Variants in ANKRD31 observed in about 807,000 individuals in gnomAD.
ANKRD31 encodes the protein ankyrin repeat domain 31.
ANKRD31 carries 147 observed loss-of-function variants against 186.0 expected under a neutral mutation model. That is an observed-to-expected ratio of 0.79 (90% CI 0.69 to 0.91). ANKRD31 has a LOEUF of 0.91. ANKRD31 is among the 40% of genes least tolerant of loss of function. The pLI is 0.00. For synonymous variants in ANKRD31, 673 were observed against 736.4 expected, an observed-to-expected ratio of 0.91 and a Z score of 1.39; for missense variants, 1,986 against 2,148.8, an observed-to-expected ratio of 0.92 and a Z score of 1.50.
chr5:75,218,272 G>A (rs879563015), intron 3 of ANKRD31, among the ~76,000 whole-genome samples: 2 of 152,044 alleles, frequency 1.3e-5, no homozygotes, highest in South Asian at 4.2e-4. Context: ...TGTTACCACT[G>A]ACCCCACAAA....
chr5:75,084,505 T>C, intron 23 of ANKRD31, 131 bp from the exon 24 acceptor site: 1 of 668,988 alleles, frequency 1.5e-6, no homozygotes, highest in South Asian at 1.9e-5. Flanking sequence ...CTTCAGTCCA[T>C]GGCCAAATCC....
intron 25 of ANKRD31, among the ~76,000 whole-genome samples, chr5:75,079,824 T>TA (rs745483444): frequency 3.6e-4 from 54 of 152,106 alleles, no homozygotes; most frequent in Non-Finnish European, 7.4e-4. Flanking sequence ...AATTCAGGTC[T>TA]GGGCATGGTG....
chr5:75,185,910 T>C (rs914346976), intron 10 of ANKRD31, among the ~76,000 whole-genome samples: 6 of 152,070 alleles, frequency 3.9e-5, no homozygotes, highest in African/African-American at 7.2e-5. Context: ...GGAAAAACAA[T>C]GACTGCTACC....
At chr5:75,174,961 A>C (rs973579467) in intron 10 of ANKRD31, among the ~76,000 whole-genome samples, 2 of 152,240 alleles carry the variant, frequency 1.3e-5, no homozygotes, top group African/African-American at 2.4e-5. Context: ...TCACAATAGC[A>C]AAGACTTGGA....
At chr5:75,156,299 T>A (rs1752168996) in intron 11 of ANKRD31, among the ~76,000 whole-genome samples, 1 of 152,196 alleles carries the variant, frequency 6.6e-6, no homozygotes, top group Non-Finnish European at 1.5e-5. Context: ...AACTACTTTT[T>A]AATCACTTTG....
intron 19 of ANKRD31, among the ~76,000 whole-genome samples, chr5:75,113,400 T>C (rs1038703877): frequency 2.0e-5 from 3 of 152,184 alleles, no homozygotes; most frequent in African/African-American, 7.2e-5. Flanking sequence ...TTTCTCAGAA[T>C]TAAGAAATTC....
intron 17 of ANKRD31, among the ~76,000 whole-genome samples, chr5:75,129,438 CAT>C (rs1398149889): frequency 6.6e-6 from 1 of 152,234 alleles, no homozygotes; most frequent in African/African-American, 2.4e-5. Flanking sequence ...CATTAATTCA[CAT>C]CTTTTAGCAG....
chr5:75,211,193 C>T (rs911743540), intron 3 of ANKRD31, among the ~76,000 whole-genome samples: 1 of 152,220 alleles, frequency 6.6e-6, no homozygotes, highest in Non-Finnish European at 1.5e-5. Context: ...CACCATTCTG[C>T]TTTCTGTCTT....
At chr5:75,201,375 C>T (rs1386016293) in intron 5 of ANKRD31, among the ~76,000 whole-genome samples, 1 of 152,110 alleles carries the variant, frequency 6.6e-6, no homozygotes, top group Non-Finnish European at 1.5e-5. Flanking sequence ...GTGTATCTTA[C>T]TTAACATTTT....
intron 4 of ANKRD31, among the ~76,000 whole-genome samples, chr5:75,209,842 G>A (rs537587886): frequency 6.6e-6 from 1 of 152,204 alleles, no homozygotes; most frequent in East Asian, 1.9e-4. Context: ...AGTGAAACTG[G>A]CTTCTTTTTA....
At chr5:75,229,883 A>AAG (rs1405462780) in intron 2 of ANKRD31, among the ~76,000 whole-genome samples, 1 of 84,498 alleles carries the variant, frequency 1.2e-5, no homozygotes, top group Admixed American at 1.1e-4. Context: ...AAAAAAAAAA[A>AAG]AAAACAAAAA....
intron 11 of ANKRD31, among the ~76,000 whole-genome samples, chr5:75,157,706 C>T (rs181726130): frequency 7.0e-4 from 106 of 152,218 alleles, no homozygotes; most frequent in African/African-American, 2.5e-3. Flanking sequence ...TGGCATGAAT[C>T]CCTGATCTAT....
intron 20 of ANKRD31, among the ~76,000 whole-genome samples, chr5:75,110,910 T>C (rs1443340851): frequency 6.6e-6 from 1 of 151,052 alleles, no homozygotes; most frequent in Non-Finnish European, 1.5e-5. Context: ...ATAGAATTTA[T>C]CAATATAAAT....
intron 20 of ANKRD31, among the ~76,000 whole-genome samples, chr5:75,110,591 C>T (rs1167334794): frequency 4.0e-5 from 6 of 151,362 alleles, no homozygotes; most frequent in African/African-American, 1.5e-4. Flanking sequence ...CGCCTGTATT[C>T]CCAGCTACTC....
chr5:75,110,847 C>T (rs1242065501), intron 20 of ANKRD31, among the ~76,000 whole-genome samples: 1 of 147,710 alleles, frequency 6.8e-6, no homozygotes, highest in Non-Finnish European at 1.5e-5. Flanking sequence ...GTGTACACTG[C>T]TAGTAGCATC....
At chr5:75,190,315 G>A (rs1755018461) in intron 9 of ANKRD31, among the ~76,000 whole-genome samples, 1 of 152,052 alleles carries the variant, frequency 6.6e-6, no homozygotes, top group Admixed American at 6.6e-5. Flanking sequence ...GCCACTGCAC[G>A]TGGCCTGTTT....
intron 22 of ANKRD31, among the ~76,000 whole-genome samples, chr5:75,102,424 C>T (rs1007953751): frequency 1.3e-5 from 2 of 152,208 alleles, no homozygotes; most frequent in African/African-American, 4.8e-5. Context: ...AGATCTCAAG[C>T]TCCATGCTGG....
chr5:75,183,443 A>G (rs1754471179), intron 10 of ANKRD31, among the ~76,000 whole-genome samples: 1 of 152,132 alleles, frequency 6.6e-6, no homozygotes, highest in South Asian at 2.1e-4. Flanking sequence ...AAAAAAATAA[A>G]AGGTGTCCAA....
chr5:75,069,415 G>A (rs1281477743), intron 25 of ANKRD31, among the ~76,000 whole-genome samples: 1 of 151,770 alleles, frequency 6.6e-6, no homozygotes, highest in Non-Finnish European at 1.5e-5. Flanking sequence ...ACATGCTTCT[G>A]GTAGAGTTGT....
Sources: gnomAD v4.1 joint callset for allele counts (sites outside exome capture counted in the v4.1 genomes callset) on GRCh38, gnomAD v4.1.1 for gene constraint, MANE v1.5 for transcripts, NCBI Gene and HGNC (gene_info 2026-07-23, HGNC 2026-07-21) for gene names.